DCT: variants seen among roughly 807,000 people sequenced by gnomAD.
DCT encodes the protein dopachrome tautomerase.
Under a neutral mutation model 53.0 loss-of-function variants are expected in DCT, and 47 were observed. That is an observed-to-expected ratio of 0.89 (90% CI 0.70 to 1.13). The LOEUF (loss-of-function observed/expected upper bound fraction) is 1.13, where lower values mean the gene tolerates loss of function less well. Ranked by LOEUF, DCT falls within the 50% of genes most tolerant of loss-of-function variation. The probability of loss-of-function intolerance (pLI) is 0.00; values close to 1 mark genes in which losing one functional copy is unlikely to be tolerated. For synonymous variants in DCT, 244 were observed against 237.0 expected, an observed-to-expected ratio of 1.03 and a Z score of -0.27; for missense variants, 669 against 637.4, an observed-to-expected ratio of 1.05 and a Z score of -0.53.
At chr13:94,441,363 T>C (rs1398787768) in intron 7 of DCT, among the ~76,000 whole-genome samples, 1 of 152,244 alleles carries the variant, frequency 6.6e-6, no homozygotes, top group East Asian at 1.9e-4. Context: ...TTGTAACATA[T>C]ATGTAACATA....
At chr13:94,452,566 T>A in intron 6 of DCT, 1 of 745,216 alleles carries the variant, frequency 1.3e-6, no homozygotes, top group East Asian at 2.5e-5. Context: ...CAAATGCATT[T>A]TTTTACCCTT....
chr13:94,543,668 A>G, the DCT span, among the ~76,000 whole-genome samples: 4 of 152,230 alleles, frequency 2.6e-5, no homozygotes, highest in African/African-American at 7.2e-5. Flanking sequence ...ATCCATTTTT[A>G]AAATGAATCT....
chr13:94,452,632 T>C (rs1295645256), intron 6 of DCT: 1 of 769,840 alleles, frequency 1.3e-6, no homozygotes, highest in Non-Finnish European at 2.4e-6. Context: ...ATGTTTGTTG[T>C]AGCATTGTAA....
At chr13:94,524,652 A>G in the DCT span, among the ~76,000 whole-genome samples, 46 of 152,258 alleles carry the variant, frequency 3.0e-4, no homozygotes, top group Middle Eastern at 0.014. Flanking sequence ...GTCTTCCCCC[A>G]GAATTAAAAG....
chr13:94,510,423 C>G, the DCT span, among the ~76,000 whole-genome samples: 1 of 152,034 alleles, frequency 6.6e-6, no homozygotes, highest in Non-Finnish European at 1.5e-5. Flanking sequence ...GTGGTGAGTC[C>G]AAACTGAGGT....
the DCT span, among the ~76,000 whole-genome samples, chr13:94,509,983 C>T: frequency 6.6e-6 from 1 of 152,118 alleles, no homozygotes; most frequent in East Asian, 1.9e-4. Context: ...ATGACACCTA[C>T]CACACTATTG....
the DCT span, among the ~76,000 whole-genome samples, chr13:94,511,510 C>A: frequency 6.6e-6 from 1 of 151,988 alleles, no homozygotes; most frequent in Non-Finnish European, 1.5e-5. Context: ...CAGGTGTGTG[C>A]CACCACACCT....
chr13:94,541,224 C>T, the DCT span, among the ~76,000 whole-genome samples: 1 of 152,058 alleles, frequency 6.6e-6, no homozygotes, highest in African/African-American at 2.4e-5. Context: ...AGTATTCAGG[C>T]TGGACACAGT....
the DCT span, among the ~76,000 whole-genome samples, chr13:94,527,113 CA>C: frequency 1.3e-5 from 2 of 152,186 alleles, no homozygotes; most frequent in Non-Finnish European, 2.9e-5. Context: ...ACAGTGTAAA[CA>C]AAGAGGCCAG....
chr13:94,521,781 C>T, the DCT span, among the ~76,000 whole-genome samples: 3 of 152,194 alleles, frequency 2.0e-5, no homozygotes, highest in Non-Finnish European at 4.4e-5. Context: ...ATAAGACTCA[C>T]TCATTTTAAA....
At chr13:94,501,830 G>T in the DCT span, among the ~76,000 whole-genome samples, 1 of 152,106 alleles carries the variant, frequency 6.6e-6, no homozygotes, top group African/African-American at 2.4e-5. Flanking sequence ...GAGGGACAAG[G>T]CTGCAGATTG....
intron 1 of DCT, among the ~76,000 whole-genome samples, chr13:94,469,527 AGAGGAAACCAACTCCCT>A (rs1411609449): frequency 2.6e-5 from 4 of 152,168 alleles, no homozygotes; most frequent in Non-Finnish European, 5.9e-5. Flanking sequence ...GACAGCCCTC[AGAGGAAACCAACTCCCT>A]GATCTCAGCC....
chr13:94,466,510 T>C (rs765564722), intron 3 of DCT, 48 bp downstream of exon 3: 2 of 1,262,144 alleles, frequency 1.6e-6, no homozygotes, highest in Non-Finnish European at 1.1e-6. Context: ...ATATATACAA[T>C]AAATTTTTTA....
At chr13:94,465,134 A>G (rs1035140809) in intron 4 of DCT, among the ~76,000 whole-genome samples, 1 of 152,134 alleles carries the variant, frequency 6.6e-6, no homozygotes, top group African/African-American at 2.4e-5. Context: ...AGTACTTCCC[A>G]CACTCAACTG....
At chr13:94,443,771 C>T in intron 6 of DCT, 134 bp from the exon 7 acceptor site, 1 of 672,528 alleles carries the variant, frequency 1.5e-6, no homozygotes, top group Admixed American at 2.4e-5. Flanking sequence ...TGTGGAATAC[C>T]CCCTTCTGTG....
At chr13:94,535,702 T>C in the DCT span, among the ~76,000 whole-genome samples, 3 of 152,200 alleles carry the variant, frequency 2.0e-5, no homozygotes, top group East Asian at 5.8e-4. Flanking sequence ...ACATGCAACA[T>C]TCCTGGGCAG....
At chr13:94,505,991 T>C in the DCT span, among the ~76,000 whole-genome samples, 13 of 152,212 alleles carry the variant, frequency 8.5e-5, no homozygotes, top group Admixed American at 8.5e-4. Flanking sequence ...TTAGAAATGC[T>C]GGAGTTGAGA....
the DCT span, among the ~76,000 whole-genome samples, chr13:94,532,065 G>T: frequency 6.6e-6 from 1 of 152,194 alleles, no homozygotes; most frequent in Non-Finnish European, 1.5e-5. Flanking sequence ...TCAGAGAAAT[G>T]CAAATCAAAA....
At position 94,443,442 on chromosome 13, in the gene DCT, G is replaced by C; in HGVS notation, c.1375C>G (p.Leu459Val). ...DQLGYSYAID[L>V]PVSVEETPGW... Reference sequence around the variant, plus strand: ...TGGAAGTTGTGTTAGTTACCTGGCAGATCGATGGCATAGCTGTAGCCAAGT... The same window carrying C: ...TGGAAGTTGTGTTAGTTACCTGGCACATCGATGGCATAGCTGTAGCCAAGT... The change falls in exon 7 of 8, where the codon CTG becomes GTG. Residue 459 changes from leucine to valine, a missense_variant. Transcript: ENST00000377028. The C allele has an allele frequency of 6.2e-7, 1 of 1,611,820 alleles. No homozygotes were observed. The highest frequency in any genetic ancestry group is 1.1e-5 in the South Asian group (1 of 91,042).
Sources: allele counts gnomAD v4.1 joint callset (sites outside exome capture counted in the v4.1 genomes callset), GRCh38; gene constraint gnomAD v4.1.1; transcripts MANE v1.5; gene names NCBI Gene and HGNC (gene_info 2026-07-23, HGNC 2026-07-21).